The following STAG1 variants were observed in gnomAD, a reference collection of about 807,000 sequenced individuals.
The protein encoded by STAG1 is cohesin subunit SA-1.
In STAG1, 26 loss-of-function variants were observed where a neutral mutation model predicts 170.9. The observed-to-expected ratio is 0.15, with a 90% CI of 0.11 to 0.21. STAG1 has a LOEUF of 0.21. Among genes scored for constraint, STAG1 ranks in the 10% least tolerant of loss-of-function variants. The pLI is 1.00. For synonymous variants in STAG1, 514 were observed against 497.7 expected (o/e 1.03, Z -0.44); for missense variants, 964 against 1,509.5 (o/e 0.64, Z 5.99).
At chr3:136,708,154 A>C (rs1943277674) in intron 1 of STAG1, among the ~76,000 whole-genome samples, 1 of 152,200 alleles carries the variant, frequency 6.6e-6, no homozygotes, top group South Asian at 2.1e-4. Flanking sequence ...GTATACACCC[A>C]AGAAAAATTA....
At chr3:136,555,084 CTATT>C (rs1315737098) in intron 5 of STAG1, among the ~76,000 whole-genome samples, 5 of 147,504 alleles carry the variant, frequency 3.4e-5, no homozygotes, top group African/African-American at 9.9e-5. Flanking sequence ...CACACACACA[CTATT>C]TATATATTTA....
chr3:136,336,796 A>C lies in STAG1; in HGVS notation c.*1458T>G, dbSNP rs1935696536. 1 of 152,254 alleles carries C rather than the reference A, an allele frequency of 6.6e-6. No homozygotes were observed. The highest frequency in any genetic ancestry group is 2.1e-4 in the South Asian group (1 of 4,832). The allele number at this position is 152,254 out of a possible 1,614,324, so 9.4% of individuals were successfully genotyped here. ...CCATCATCATCTTGCTTTCCCGCAC[A>C]AAAGATGATCACTGGGTGTGCAGAA... On this transcript the variant is annotated 3_prime_UTR_variant, in exon 34 of 34. Transcript: ENST00000383202.
intron 9 of STAG1, among the ~76,000 whole-genome samples, chr3:136,486,739 A>G (rs913410521): frequency 5.3e-5 from 8 of 152,094 alleles, no homozygotes; most frequent in African/African-American, 1.9e-4. Context: ...TCTTCCAACT[A>G]ACTCTTAGAG....
At chr3:136,651,359 C>A (rs1474884018) in intron 1 of STAG1, among the ~76,000 whole-genome samples, 1 of 141,188 alleles carries the variant, frequency 7.1e-6, no homozygotes, top group African/African-American at 2.7e-5. Context: ...GAGCAAGACC[C>A]TATCTCACCA....
chr3:136,489,919 A>G (rs2090089878), intron 9 of STAG1, among the ~76,000 whole-genome samples: 1 of 152,222 alleles, frequency 6.6e-6, no homozygotes, highest in Non-Finnish European at 1.5e-5. Flanking sequence ...AAGGCTTTTG[A>G]AAGGTAGTAA....
At position 136,359,266 on chromosome 3, in the gene STAG1, G is replaced by A. The variant is rs200155287; in HGVS notation, c.2818C>T (p.Pro940Ser). The A allele has an allele frequency of 1.2e-5, 20 of 1,604,130 alleles. No individual in the cohort carries two copies. The African/African-American group carries it at 2.0e-4, about 16-fold the overall frequency. Residue 940 changes from proline (P) to serine (S), a missense_variant, in exon 27 of 34, where the codon CCC becomes TCC. Pro to Ser is a moderately conservative substitution (Grantham distance 74). Transcript: ENST00000383202. ...LFNELVQEQG[P>S]NLDRTSAHVS... ...TGGGCAGATGTCCTATCTAGGTTGG[G>A]ACCTTGCTCTTGAACAAGTTCATTA... is the stretch of plus-strand genomic sequence containing the variant.
intron 32 of STAG1, among the ~76,000 whole-genome samples, chr3:136,339,476 T>C (rs916697292): frequency 2.0e-5 from 3 of 152,184 alleles, no homozygotes; most frequent in Non-Finnish European, 4.4e-5. Flanking sequence ...TGAGCCGAGA[T>C]TGCAGCATTG....
intron 1 of STAG1, among the ~76,000 whole-genome samples, chr3:136,689,614 T>C (rs892900902): frequency 1.3e-5 from 2 of 152,246 alleles, no homozygotes; most frequent in Non-Finnish European, 2.9e-5. Context: ...CCAAATTTTG[T>C]ACACCTCTGG....
chr3:136,704,683 G>A (rs1334290165), intron 1 of STAG1, among the ~76,000 whole-genome samples: 1 of 151,788 alleles, frequency 6.6e-6, no homozygotes, highest in East Asian at 2.0e-4. Flanking sequence ...CAGAAAATTA[G>A]CCAGGCGTGG....
At chr3:136,469,834 A>G (rs1463435092) in intron 12 of STAG1, among the ~76,000 whole-genome samples, 2 of 152,004 alleles carry the variant, frequency 1.3e-5, no homozygotes. Flanking sequence ...AATATCACAC[A>G]TCTACAACTA....
At chr3:136,507,918 T>C (rs1330612063) in intron 7 of STAG1, among the ~76,000 whole-genome samples, 1 of 152,144 alleles carries the variant, frequency 6.6e-6, no homozygotes, top group East Asian at 1.9e-4. Flanking sequence ...GGTAGCTGTG[T>C]CTTTCCAAAG....
intron 21 of STAG1, among the ~76,000 whole-genome samples, chr3:136,415,876 G>A (rs1212489200): frequency 6.6e-6 from 1 of 152,096 alleles, no homozygotes; most frequent in East Asian, 1.9e-4. Context: ...ATTTTCAACA[G>A]TATCTTAAGA....
chr3:136,410,316 C>T (rs2087591512), intron 21 of STAG1, among the ~76,000 whole-genome samples: 1 of 151,762 alleles, frequency 6.6e-6, no homozygotes, highest in Non-Finnish European at 1.5e-5. Context: ...AGGAGAATTG[C>T]CTGAACCCGG....
chr3:136,410,332 G>A (rs2087591856), intron 21 of STAG1, among the ~76,000 whole-genome samples: 1 of 151,866 alleles, frequency 6.6e-6, no homozygotes, highest in Admixed American at 6.6e-5. Flanking sequence ...CCCGGGAAGT[G>A]GAGGTTGCCT....
At chr3:136,551,227 G>A (rs1936377630) in intron 5 of STAG1, among the ~76,000 whole-genome samples, 1 of 131,748 alleles carries the variant, frequency 7.6e-6, no homozygotes, top group African/African-American at 2.7e-5. Flanking sequence ...GAGAGAGAGA[G>A]AGAGAGAGAG....
chr3:136,353,905 T>G (rs531725645), intron 28 of STAG1, among the ~76,000 whole-genome samples: 1 of 152,236 alleles, frequency 6.6e-6, no homozygotes, highest in Non-Finnish European at 1.5e-5. Context: ...AAACAATATG[T>G]ATGTTACTGT....
At chr3:136,577,061 A>G (rs1341131378) in intron 4 of STAG1, among the ~76,000 whole-genome samples, 1 of 152,238 alleles carries the variant, frequency 6.6e-6, no homozygotes, top group Non-Finnish European at 1.5e-5. Context: ...GCTGATTGTG[A>G]TAAAGTACCA....
chr3:136,492,937 A>G (rs1411700717), intron 9 of STAG1, among the ~76,000 whole-genome samples: 1 of 152,228 alleles, frequency 6.6e-6, no homozygotes, highest in East Asian at 1.9e-4. Context: ...GCACAAAGGA[A>G]GGACAAGAAA....
chr3:136,418,397 A>G (rs1381417826), intron 20 of STAG1, among the ~76,000 whole-genome samples: 3 of 114,402 alleles, frequency 2.6e-5, no homozygotes, highest in Admixed American at 1.0e-4. Flanking sequence ...AAAAAAAAAA[A>G]AAAGGTTTTT....
Sources: allele counts gnomAD v4.1 joint callset (sites outside exome capture counted in the v4.1 genomes callset), GRCh38; gene constraint gnomAD v4.1.1; transcripts MANE v1.5; gene names NCBI Gene and HGNC (gene_info 2026-07-23, HGNC 2026-07-21).